The following QTMAN variants were observed in gnomAD, a reference collection of about 807,000 sequenced individuals.
QTMAN encodes queuosine-tRNA mannosyltransferase, also known as tRNA-queuosine alpha-mannosyltransferase.
the QTMAN span, among the ~76,000 whole-genome samples, chr2:144,016,475 G>C: frequency 6.6e-6 from 1 of 152,120 alleles, no homozygotes; most frequent in Non-Finnish European, 1.5e-5. Flanking sequence ...AGAGGAAATA[G>C]CTGTTTCCCA....
chr2:144,103,560 G>A, the QTMAN span, among the ~76,000 whole-genome samples: 4 of 152,072 alleles, frequency 2.6e-5, no homozygotes, highest in Non-Finnish European at 5.9e-5. Flanking sequence ...GTTAGTGAGG[G>A]CTACAGTAAT....
At chr2:144,109,978 T>G in the QTMAN span, among the ~76,000 whole-genome samples, 2 of 152,206 alleles carry the variant, frequency 1.3e-5, no homozygotes, top group African/African-American at 4.8e-5. Context: ...TGGAAGACAG[T>G]GTGGCGATTC....
the QTMAN span, among the ~76,000 whole-genome samples, chr2:143,976,096 C>G: frequency 9.9e-5 from 15 of 152,172 alleles, no homozygotes; most frequent in Non-Finnish European, 1.9e-4. Context: ...TATAACTATT[C>G]CTTCAAGATC....
the QTMAN span, among the ~76,000 whole-genome samples, chr2:144,252,336 C>G: frequency 6.6e-6 from 1 of 152,228 alleles, no homozygotes; most frequent in East Asian, 1.9e-4. Context: ...AATCATGACA[C>G]TGCACTCAGT....
the QTMAN span, among the ~76,000 whole-genome samples, chr2:143,987,733 G>A: frequency 6.6e-6 from 1 of 152,216 alleles, no homozygotes; most frequent in Non-Finnish European, 1.5e-5. Flanking sequence ...CTGCGCTTAA[G>A]GTAGGGTTAT....
At chr2:144,072,251 A>T in the QTMAN span, among the ~76,000 whole-genome samples, 1 of 152,138 alleles carries the variant, frequency 6.6e-6, no homozygotes, top group African/African-American at 2.4e-5. Flanking sequence ...AGCAGAAAAG[A>T]GGTGTATTTC....
At chr2:144,182,813 A>ATATATATTATATATAT in the QTMAN span, among the ~76,000 whole-genome samples, 1 of 62,890 alleles carries the variant, frequency 1.6e-5, no homozygotes, top group African/African-American at 8.1e-5. Context: ...TATATAATAT[A>ATATATATTATATATAT]TATATTATAT....
At chr2:144,283,625 GAGA>G in the QTMAN span, among the ~76,000 whole-genome samples, 1 of 152,136 alleles carries the variant, frequency 6.6e-6, no homozygotes, top group Non-Finnish European at 1.5e-5. Flanking sequence ...TTTTGCCAGT[GAGA>G]AGAATTTCAT....
the QTMAN span, among the ~76,000 whole-genome samples, chr2:144,038,438 G>C: frequency 1.3e-5 from 2 of 152,122 alleles, no homozygotes; most frequent in Non-Finnish European, 2.9e-5. Flanking sequence ...GAAAAACAAT[G>C]ATACAATTCT....
At chr2:144,155,559 C>T in the QTMAN span, among the ~76,000 whole-genome samples, 1 of 152,146 alleles carries the variant, frequency 6.6e-6, no homozygotes, top group African/African-American at 2.4e-5. Context: ...ACTCATGAGT[C>T]TCTGGAGTTC....
At chr2:144,039,944 G>C in the QTMAN span, among the ~76,000 whole-genome samples, 1 of 152,298 alleles carries the variant, frequency 6.6e-6, no homozygotes, top group South Asian at 2.1e-4. Context: ...CTTGTGAAAA[G>C]CTACAGCCAG....
chr2:144,044,185 G>A, the QTMAN span, among the ~76,000 whole-genome samples: 1 of 151,970 alleles, frequency 6.6e-6, no homozygotes, highest in African/African-American at 2.4e-5. Context: ...CCACATTTGT[G>A]TTGCTCAGAG....
the QTMAN span, among the ~76,000 whole-genome samples, chr2:144,106,307 T>C: frequency 6.6e-6 from 1 of 152,154 alleles, no homozygotes; most frequent in Admixed American, 6.5e-5. Context: ...AGACACAGAC[T>C]GGCAAATCGG....
At chr2:143,958,772 T>C in the QTMAN span, among the ~76,000 whole-genome samples, 1 of 150,496 alleles carries the variant, frequency 6.6e-6, no homozygotes, top group African/African-American at 2.5e-5. Flanking sequence ...TGATTTTTAT[T>C]TCTTTCTTTC....
the QTMAN span, among the ~76,000 whole-genome samples, chr2:144,132,829 T>C: frequency 1.3e-5 from 2 of 151,718 alleles, no homozygotes; most frequent in African/African-American, 4.8e-5. Context: ...CTAATAAAGC[T>C]ACTAAAATCT....
At chr2:144,108,474 C>T in the QTMAN span, among the ~76,000 whole-genome samples, 1 of 151,988 alleles carries the variant, frequency 6.6e-6, no homozygotes, top group Non-Finnish European at 1.5e-5. Context: ...CCTGTCTCTA[C>T]TAAAAATACA....
chr2:144,252,582 C>A, the QTMAN span, among the ~76,000 whole-genome samples: 1 of 152,142 alleles, frequency 6.6e-6, no homozygotes. Context: ...TAACAACTGA[C>A]AACACCAATT....
the QTMAN span, among the ~76,000 whole-genome samples, chr2:144,306,251 A>G: frequency 2.0e-5 from 3 of 152,226 alleles, no homozygotes; most frequent in African/African-American, 7.2e-5. Context: ...TTCTGCATCT[A>G]CTGAAACAAT....
the QTMAN span, among the ~76,000 whole-genome samples, chr2:143,994,055 G>A: frequency 6.6e-6 from 1 of 152,212 alleles, no homozygotes; most frequent in African/African-American, 2.4e-5. Context: ...CCAACATAGA[G>A]CCATTCAATA....
Sources: gnomAD v4.1 joint callset for allele counts (sites outside exome capture counted in the v4.1 genomes callset) on GRCh38, gnomAD v4.1.1 for gene constraint, MANE v1.5 for transcripts, NCBI Gene and HGNC (gene_info 2026-07-23, HGNC 2026-07-21) for gene names.